The following MSL2 variants were observed in gnomAD, a reference collection of about 807,000 sequenced individuals.
The protein encoded by MSL2 is MSL complex subunit 2, also known as E3 ubiquitin-protein ligase MSL2.
Under a neutral mutation model 35.8 loss-of-function variants are expected in MSL2, and 2 were observed. The observed-to-expected ratio is 0.06, with a 90% CI of 0.02 to 0.18. The LOEUF (loss-of-function observed/expected upper bound fraction) is 0.18. Ranked by LOEUF, MSL2 falls within the 10% of genes least tolerant of loss-of-function variation. MSL2 has a pLI of 1.00. For synonymous variants in MSL2, 296 were observed against 255.7 expected (o/e 1.16, Z -1.50); for missense variants, 523 against 706.7 (o/e 0.74, Z 2.95).
intron 1 of MSL2, among the ~76,000 whole-genome samples, chr3:136,192,342 C>T (rs1335221984): frequency 6.6e-6 from 1 of 151,998 alleles, no homozygotes; most frequent in Non-Finnish European, 1.5e-5. Context: ...CCACACCCAG[C>T]TAATTTGTGT....
At chr3:136,154,385 T>C (rs1453872280) in intron 1 of MSL2, among the ~76,000 whole-genome samples, 4 of 152,004 alleles carry the variant, frequency 2.6e-5, no homozygotes, top group Non-Finnish European at 5.9e-5. Flanking sequence ...CAATGACATA[T>C]ACATACAAAC....
chr3:136,175,516 C>T (rs754008058), intron 1 of MSL2, among the ~76,000 whole-genome samples: 53 of 151,702 alleles, frequency 3.5e-4, no homozygotes, highest in Non-Finnish European at 5.4e-4. Flanking sequence ...TGAAACCCTG[C>T]CTCTACGAAA....
At chr3:136,153,095 C>T (rs755059633) in intron 1 of MSL2, 55 of 977,108 alleles carry the variant, frequency 5.6e-5, no homozygotes, top group Non-Finnish European at 6.7e-5. Flanking sequence ...CTTTGGATAG[C>T]CAGGTGTGGT....
rs2108057615 is a variant in MSL2 at position 136,151,927 on chromosome 3, G to A, written c.954C>T (p.Ser318=). 5 of 1,614,102 alleles carry A rather than the reference G, an allele frequency of 3.1e-6. No homozygotes were observed. In the East Asian group the frequency reaches 1.1e-4, roughly 36 times the overall value. Residue 318 remains serine, a synonymous_variant, in exon 2 of 2, where the codon TCC becomes TCT. Transcript: ENST00000309993. The surrounding 1 kb of genome is among the most constrained non-coding windows in gnomAD (Gnocchi z 5.2). ...ATAACCCATGAAGTGCAGGACTGGTGGACATAAAAACATTATGGCTAAGAG... is the reference window on the plus strand; with the variant it reads ...ATAACCCATGAAGTGCAGGACTGGTAGACATAAAAACATTATGGCTAAGAG... ...SQSLSHNVFM[S]TSPALHGLSC...
intron 1 of MSL2, among the ~76,000 whole-genome samples, chr3:136,190,386 C>CA (rs879802344): frequency 7.2e-5 from 11 of 151,906 alleles, no homozygotes; most frequent in East Asian, 1.9e-4. Flanking sequence ...CACATCTCTA[C>CA]AAAAAAAATT....
At chr3:136,189,450 C>T (rs540179693) in intron 1 of MSL2, among the ~76,000 whole-genome samples, 2 of 146,922 alleles carry the variant, frequency 1.4e-5, no homozygotes, top group South Asian at 2.2e-4. Flanking sequence ...AGAGGCTGGG[C>T]GCAGTGGCTC....
intron 1 of MSL2, among the ~76,000 whole-genome samples, chr3:136,159,529 AT>A (rs71624086): frequency 0.24 from 32,213 of 135,742 alleles, 3,707 homozygotes; most frequent in Non-Finnish European, 0.27. Context: ...ACGCCCAGCT[AT>A]TTTTTTTTTT....
At chr3:136,192,049 G>T (rs1276767850) in intron 1 of MSL2, among the ~76,000 whole-genome samples, 2 of 152,136 alleles carry the variant, frequency 1.3e-5, no homozygotes, top group Admixed American at 1.3e-4. Flanking sequence ...AAAAAACAAT[G>T]TCTTCCCTAA....
chr3:136,179,327 C>G (rs1940272059), intron 1 of MSL2, among the ~76,000 whole-genome samples: 1 of 152,114 alleles, frequency 6.6e-6, no homozygotes, highest in Non-Finnish European at 1.5e-5. Context: ...GCTGGGATTA[C>G]AGGCAGGGAC....
intron 1 of MSL2, among the ~76,000 whole-genome samples, chr3:136,169,449 G>GT (rs1274052214): frequency 2.6e-5 from 4 of 151,956 alleles, no homozygotes; most frequent in East Asian, 1.9e-4. Context: ...TGGGTTGTTT[G>GT]TTTTTTGTGT....
Position 136,165,267 on chromosome 3 carries a change from G to A in MSL2, c.143-12529C>T, listed in dbSNP as rs537855313. On this transcript the variant is annotated intron_variant, in intron 1 of 1. Transcript: ENST00000309993. ...TGAAACCTTATCTGCAATATTTCAC[G>A]ATTACCATCCTTTTCATAAGTGGAC... 1.4e-3 allele frequency among the ~76,000 whole-genome samples: 214 copies of A among 149,772 alleles called. 1 individual carries two copies. Among genetic ancestry groups the A allele is most frequent in the African/African-American group, 4.8e-3 (196 of 40,702 alleles).
chr3:136,190,665 T>C (rs939500240), intron 1 of MSL2, among the ~76,000 whole-genome samples: 1 of 152,238 alleles, frequency 6.6e-6, no homozygotes, highest in South Asian at 2.1e-4. Flanking sequence ...GATTTTTGAT[T>C]GTATACATCA....
chr3:136,169,281 A>G (rs1200431148), intron 1 of MSL2, among the ~76,000 whole-genome samples: 2 of 129,146 alleles, frequency 1.5e-5, no homozygotes, highest in African/African-American at 5.9e-5. Context: ...TTACGGGTAC[A>G]TAATTTTTGT....
chr3:136,164,586 T>C (rs1939789042), intron 1 of MSL2, among the ~76,000 whole-genome samples: 1 of 152,222 alleles, frequency 6.6e-6, no homozygotes, highest in South Asian at 2.1e-4. Context: ...AGGAGCTTCT[T>C]AGCTGGGATC....
chr3:136,159,529 A>AT (rs71624086), intron 1 of MSL2, among the ~76,000 whole-genome samples: 3,095 of 135,858 alleles, frequency 0.023, 75 homozygotes, highest in African/African-American at 0.064. Context: ...ACGCCCAGCT[A>AT]TTTTTTTTTT....
intron 1 of MSL2, among the ~76,000 whole-genome samples, chr3:136,193,035 G>A (rs897061475): frequency 6.6e-6 from 1 of 152,092 alleles, no homozygotes; most frequent in Non-Finnish European, 1.5e-5. Context: ...CAGAACTCAC[G>A]ATCTTTTCCA....
chr3:136,159,349 A>G (rs1027653939), intron 1 of MSL2, among the ~76,000 whole-genome samples: 2 of 129,574 alleles, frequency 1.5e-5, no homozygotes, highest in Admixed American at 7.8e-5. Flanking sequence ...AAAGGAGAGT[A>G]CTTTCTTTTT....
At chr3:136,155,852 C>T (rs1939504015) in intron 1 of MSL2, 3 of 578,746 alleles carry the variant, frequency 5.2e-6, no homozygotes, top group South Asian at 1.4e-5. Flanking sequence ...GCATGGCCAG[C>T]TCCGCTGCTT....
rs71157361 is a variant in MSL2 at position 136,159,354 on chromosome 3, C to CTTTTTT, written c.143-6622_143-6617dup. 5.9e-4 allele frequency among the ~76,000 whole-genome samples: 41 copies of CTTTTTT among 70,060 alleles called. 5 individuals are homozygous for CTTTTTT. Among genetic ancestry groups the CTTTTTT allele is most frequent in the African/African-American group, 1.1e-3 (19 of 18,010 alleles). The allele number at this position is 70,060 out of a possible 152,430, so 46.0% of individuals were successfully genotyped here. A position where few individuals can be genotyped will look rare whatever the true frequency, so the allele number is the denominator to read the frequency against. On this transcript the variant is annotated intron_variant, in intron 1 of 1. Coordinates refer to ENST00000309993, the MANE Select transcript of MSL2 (RefSeq NM_018133.4). ...TTCAATGGGGAAAGGAGAGTACTTT[C>CTTTTTT]TTTTTTTTTTTTTTTTTTTTTTTTT...
Sources: gnomAD v4.1 joint callset for allele counts (sites outside exome capture counted in the v4.1 genomes callset) on GRCh38, gnomAD v4.1.1 for gene constraint, Gnocchi (gnomAD v3.1) non-coding constraint, MANE v1.5 for transcripts, NCBI Gene and HGNC (gene_info 2026-07-23, HGNC 2026-07-21) for gene names.